MRTFA: variants seen among roughly 807,000 people sequenced by gnomAD.
MRTFA encodes the protein myocardin related transcription factor A.
A neutral mutation model predicts 83.5 loss-of-function variants in MRTFA; 20 were observed. The ratio of observed to expected loss-of-function variants is 0.24; its 90% CI spans 0.17 to 0.35. The LOEUF (loss-of-function observed/expected upper bound fraction) is 0.35, where lower values mean the gene tolerates loss of function less well. MRTFA is among the 10% of genes least tolerant of loss of function. The probability of loss-of-function intolerance (pLI) is 1.00; values close to 1 mark genes in which losing one functional copy is unlikely to be tolerated. For missense variants in MRTFA, 1,200 were observed against 1,224.7 expected (o/e 0.98, Z 0.30); for synonymous variants, 659 against 541.2 (o/e 1.22, Z -3.02).
chr22:40,420,745 G>A (rs2072856), intron 10 of MRTFA, 102 bp downstream of exon 10: 675,705 of 1,558,478 alleles, frequency 0.43, 152,476 homozygotes, highest in South Asian at 0.56. Flanking sequence ...CAGACCAGCG[G>A]GTCCTTAAAG....
chr22:40,517,833 T>A (rs2054787023), intron 3 of MRTFA, among the ~76,000 whole-genome samples: 1 of 151,990 alleles, frequency 6.6e-6, no homozygotes, highest in South Asian at 2.1e-4. Context: ...AACAATCATG[T>A]GTTAGAGGAT....
intron 2 of MRTFA, among the ~76,000 whole-genome samples, chr22:40,568,718 T>C (rs1240561839): frequency 1.3e-5 from 2 of 152,228 alleles, no homozygotes; most frequent in East Asian, 1.9e-4. Context: ...TCTACATCAC[T>C]ACAGGAGTTC....
intron 4 of MRTFA, among the ~76,000 whole-genome samples, chr22:40,456,983 G>GA (rs1302919452): frequency 3.9e-5 from 6 of 152,264 alleles, no homozygotes; most frequent in Non-Finnish European, 7.4e-5. Flanking sequence ...ATGTACTCAG[G>GA]AAAAAGAATG....
intron 3 of MRTFA, among the ~76,000 whole-genome samples, chr22:40,508,513 C>CAA (rs1175724448): frequency 0.037 from 957 of 25,994 alleles, 106 homozygotes; most frequent in East Asian, 0.11. Flanking sequence ...CTCCGTCTCT[C>CAA]AAAAAAAAAA....
chr22:40,424,310 G>C lies in MRTFA; in HGVS notation c.673C>G (p.Pro225Ala). The C allele has an allele frequency of 6.2e-7, 1 of 1,612,776 alleles. No homozygotes were observed. The highest frequency in any genetic ancestry group is 8.5e-7 in the Non-Finnish European group (1 of 1,179,474). ...GACTCATGGCTGGCAGGCTGCTCGG[G>C]GGATAAGGCATCGCTGCTGTCCTCA... The change falls in exon 8 of 15, where the codon CCC (proline) becomes GCC (alanine). Residue 225 changes from proline to alanine, a missense_variant. Transcript: ENST00000355630.
At chr22:40,631,321 G>A (rs1055964398) in intron 1 of MRTFA, among the ~76,000 whole-genome samples, 1 of 152,094 alleles carries the variant, frequency 6.6e-6, no homozygotes, top group Non-Finnish European at 1.5e-5. Flanking sequence ...AACCAATGAT[G>A]ATCATAATAA....
intron 3 of MRTFA, among the ~76,000 whole-genome samples, chr22:40,513,839 G>T (rs2054709435): frequency 6.6e-6 from 1 of 152,088 alleles, no homozygotes; most frequent in Non-Finnish European, 1.5e-5. Context: ...GCTCACATTT[G>T]TAATCCTAGC....
chr22:40,419,492 T>C, intron 11 of MRTFA, 108 bp from the exon 12 acceptor site: 1 of 943,456 alleles, frequency 1.1e-6, no homozygotes, highest in Non-Finnish European at 1.6e-6. Context: ...ATGCATCAAC[T>C]ACCCTAATCC....
chr22:40,513,615 A>G (rs890100527), intron 3 of MRTFA, among the ~76,000 whole-genome samples: 3 of 151,772 alleles, frequency 2.0e-5, no homozygotes, highest in African/African-American at 4.8e-5. Flanking sequence ...AAAAAAAAAA[A>G]AAAGAAAAAG....
chr22:40,574,437 A>ATTTTTTT lies in MRTFA; in HGVS notation c.-22+20236_-22+20237insAAAAAAA, dbSNP rs1266659027. On this transcript the variant is annotated intron_variant, in intron 2 of 14. Coordinates refer to ENST00000355630, the MANE Select transcript of MRTFA (RefSeq NM_020831.6). ...TTACACTGCATTAGTTATTATTATT[A>ATTTTTTT]TTATTTTTTTTTTTTGAGATGGAGC... 2.9e-5 allele frequency among the ~76,000 whole-genome samples: 4 copies of ATTTTTTT among 140,248 alleles called. No individual in the cohort carries two copies. In the East Asian group the frequency reaches 7.5e-4, roughly 26 times the overall value. The allele number at this position is 140,248 out of a possible 152,430, so 92.0% of individuals were successfully genotyped here.
intron 3 of MRTFA, among the ~76,000 whole-genome samples, chr22:40,538,584 A>AG (rs563391678): frequency 6.6e-6 from 1 of 151,758 alleles, no homozygotes; most frequent in Non-Finnish European, 1.5e-5. Context: ...AATTAAAAAA[A>AG]AAATTAAACA....
intron 2 of MRTFA, among the ~76,000 whole-genome samples, chr22:40,594,294 T>C (rs915797705): frequency 6.6e-6 from 1 of 152,204 alleles, no homozygotes; most frequent in African/African-American, 2.4e-5. Context: ...TAAGCTAGCC[T>C]ACCATTACCC....
At chr22:40,448,996 T>G (rs962585798) in intron 4 of MRTFA, among the ~76,000 whole-genome samples, 1 of 152,174 alleles carries the variant, frequency 6.6e-6, no homozygotes, top group African/African-American at 2.4e-5. Flanking sequence ...CCGGGCGCAG[T>G]GGCTCACGCC....
At chr22:40,569,439 T>TACCCGGCA (rs2055753103) in intron 2 of MRTFA, 1 of 161,658 alleles carries the variant, frequency 6.2e-6, no homozygotes, top group Non-Finnish European at 1.4e-5. Context: ...GGAGGTAATG[T>TACCCGGCA]ATGGCCGGGT....
intron 8 of MRTFA, 67 bp from the exon 9 acceptor site, chr22:40,423,752 C>A: frequency 5.0e-6 from 7 of 1,403,222 alleles, no homozygotes; most frequent in Non-Finnish European, 5.7e-6. Flanking sequence ...CCTGCCCTGA[C>A]CCTACACAGG....
intron 3 of MRTFA, among the ~76,000 whole-genome samples, chr22:40,531,549 T>G (rs1303214638): frequency 6.6e-6 from 1 of 152,154 alleles, no homozygotes; most frequent in Admixed American, 6.6e-5. Flanking sequence ...CCATCCTGAA[T>G]TCTGTCAACA....
At chr22:40,426,171 C>T (rs944579092) in intron 7 of MRTFA, among the ~76,000 whole-genome samples, 5 of 152,216 alleles carry the variant, frequency 3.3e-5, no homozygotes, top group East Asian at 1.9e-4. Flanking sequence ...GGCCTCAGAA[C>T]GGTCCGCTCC....
intron 1 of MRTFA, among the ~76,000 whole-genome samples, chr22:40,636,038 C>T (rs893766733): frequency 1.3e-5 from 2 of 152,220 alleles, no homozygotes; most frequent in African/African-American, 2.4e-5. Context: ...GCTATACTGG[C>T]ACCAACAAGT....
At chr22:40,558,649 A>T (rs573179554) in intron 2 of MRTFA, among the ~76,000 whole-genome samples, 18 of 152,032 alleles carry the variant, frequency 1.2e-4, no homozygotes, top group Non-Finnish European at 2.4e-4. Flanking sequence ...GAACATAACC[A>T]GTATTTCTAG....
Sources: gnomAD v4.1 joint callset for allele counts (sites outside exome capture counted in the v4.1 genomes callset) on GRCh38, gnomAD v4.1.1 for gene constraint, MANE v1.5 for transcripts, NCBI Gene and HGNC (gene_info 2026-07-23, HGNC 2026-07-21) for gene names.